The following TRAPPC2 variants were observed in gnomAD, a reference collection of about 807,000 sequenced individuals.
The protein encoded by TRAPPC2 is sedlin.
A neutral mutation model predicts 10.0 loss-of-function variants in TRAPPC2; 4 were observed. That is an observed-to-expected ratio of 0.40 (90% CI 0.20 to 0.92). The LOEUF (loss-of-function observed/expected upper bound fraction) is 0.92. Ranked by LOEUF, TRAPPC2 falls within the 40% of genes least tolerant of loss-of-function variation. The pLI, the probability that TRAPPC2 is intolerant of heterozygous loss-of-function variation, is 0.35. For synonymous variants in TRAPPC2, 36 were observed against 37.3 expected, an observed-to-expected ratio of 0.97 and a Z score of 0.12; for missense variants, 52 against 108.7, an observed-to-expected ratio of 0.48 and a Z score of 2.32.
intron 2 of TRAPPC2, among the ~76,000 whole-genome samples, chrX:13,722,922 G>A (rs1198896901): frequency 2.7e-5 from 3 of 110,155 alleles, no homozygotes; most frequent in African/African-American, 9.9e-5. Flanking sequence ...AATTAGCCGA[G>A]TGTGGTGGTG....
rs181394438 is a variant in TRAPPC2, at chrX:13,730,379, G to T, written c.-20+3665C>A. 2.7e-5 allele frequency among the ~76,000 whole-genome samples: 3 copies of T among 112,012 alleles called. No individual in the cohort carries two copies. The East Asian group carries it at 8.3e-4, about 31-fold the overall frequency. On this transcript the variant is annotated intron_variant, in intron 2 of 5. Transcript: ENST00000380579. ...AAACCACAAAGAGATACCATCTCAC[G>T]CCAGTTAGAATGGCAATCATTAAAA... is the stretch of plus-strand genomic sequence containing the variant.
intron 2 of TRAPPC2, among the ~76,000 whole-genome samples, chrX:13,723,594 G>A (rs1215782359): frequency 4.5e-5 from 5 of 111,910 alleles, no homozygotes; most frequent in Admixed American, 9.5e-5. Flanking sequence ...AATTACCTGC[G>A]TTGACATGAC....
At chrX:13,723,050 G>C (rs1416934607) in intron 2 of TRAPPC2, among the ~76,000 whole-genome samples, 25 of 102,217 alleles carry the variant, frequency 2.4e-4, no homozygotes, top group Non-Finnish European at 4.5e-4. Context: ...AGCCAAGATC[G>C]TGCCACTGCA....
At chrX:13,719,441 G>T (rs986940803) in intron 3 of TRAPPC2, among the ~76,000 whole-genome samples, 6 of 111,341 alleles carry the variant, frequency 5.4e-5, no homozygotes, top group African/African-American at 6.5e-5. Context: ...GCTGCAGAAG[G>T]CCCCTGAAGT....
intron 2 of TRAPPC2, among the ~76,000 whole-genome samples, chrX:13,724,301 C>T (rs996616567): frequency 1.9e-5 from 2 of 106,867 alleles, no homozygotes; most frequent in Admixed American, 2.0e-4. Context: ...AGAAGTAGGA[C>T]ACTAACTAGT....
At chrX:13,734,375 C>G (rs2046759934) in intron 1 of TRAPPC2, 150 bp downstream of exon 1, 3 of 297,258 alleles carry the variant, frequency 1.0e-5, no homozygotes, top group Middle Eastern at 9.5e-4. Context: ...AAGGGCTGCG[C>G]GGATGAGCCA....
chrX:13,722,406 C>T (rs1014461595), intron 2 of TRAPPC2, among the ~76,000 whole-genome samples: 1 of 110,331 alleles, frequency 9.1e-6, no homozygotes, highest in Non-Finnish European at 1.9e-5. Flanking sequence ...ATGCTGTTAC[C>T]AACTACCCAG....
At chrX:13,727,268 A>AAC (rs933643758) in intron 2 of TRAPPC2, among the ~76,000 whole-genome samples, 1 of 112,015 alleles carries the variant, frequency 8.9e-6, no homozygotes, top group African/African-American at 3.2e-5. Context: ...ACATCTACAG[A>AAC]ACTCTCCACC....
At chrX:13,722,612 G>A (rs1265136112) in intron 2 of TRAPPC2, among the ~76,000 whole-genome samples, 3 of 111,724 alleles carry the variant, frequency 2.7e-5, no homozygotes, top group Non-Finnish European at 5.6e-5. Context: ...GTCTCGGGAG[G>A]GGAACAGCTG....
chrX:13,727,116 A>G (rs1430324914), intron 2 of TRAPPC2, among the ~76,000 whole-genome samples: 1 of 112,090 alleles, frequency 8.9e-6, no homozygotes, highest in South Asian at 3.7e-4. Context: ...GCAAGTCCTT[A>G]GAGACCTACA....
chrX:13,729,960 TAAA>T (rs974272291), intron 2 of TRAPPC2, among the ~76,000 whole-genome samples: 4 of 111,154 alleles, frequency 3.6e-5, no homozygotes, highest in African/African-American at 1.3e-4. Flanking sequence ...CCTAAAACCA[TAAA>T]AACTCTAGAG....
intron 2 of TRAPPC2, among the ~76,000 whole-genome samples, chrX:13,724,028 G>A (rs980372846): frequency 8.9e-6 from 1 of 111,743 alleles, no homozygotes; most frequent in Non-Finnish European, 1.9e-5. Flanking sequence ...ACAGCAATGT[G>A]ATCTTGACAG....
intron 1 of TRAPPC2, 61 bp downstream of exon 1, chrX:13,734,464 C>T: frequency 4.5e-6 from 1 of 223,958 alleles, no homozygotes; most frequent in Non-Finnish European, 8.1e-6. Context: ...CACGCAGGGG[C>T]TACGAAGTCC....
intron 2 of TRAPPC2, among the ~76,000 whole-genome samples, chrX:13,731,190 G>T (rs1479872276): frequency 1.8e-5 from 2 of 112,231 alleles, no homozygotes; most frequent in East Asian, 5.6e-4. Context: ...TTGAGAAATT[G>T]CAAGAAAAAT....
In TRAPPC2 at chrX:13,716,516, C is replaced by T. The variant is rs922495600; in HGVS notation, c.238+18G>A. 9 of 1,208,845 alleles carry T rather than the reference C, an allele frequency of 7.4e-6. No individual in the cohort carries two copies. Among genetic ancestry groups the T allele is most frequent in the Non-Finnish European group, 1.0e-5 (9 of 894,126 alleles). On this transcript the variant is annotated intron_variant, in intron 4 of 5. Transcript: ENST00000380579. ...CCCAAACTTTAGTTAGTTACCTTTA[C>T]TAAGAAGGTAAGGATATGCCCCGCA...
intron 2 of TRAPPC2, among the ~76,000 whole-genome samples, chrX:13,733,586 A>G (rs911670920): frequency 1.2e-4 from 13 of 111,761 alleles, no homozygotes; most frequent in African/African-American, 4.2e-4. Flanking sequence ...TAAGTTTTTC[A>G]CAGCCAGAGA....
Position 13,714,232 on chromosome X carries a change from T to TA in TRAPPC2, c.*174dup, listed in dbSNP as rs926593303. 9.6e-6 allele frequency: 3 copies of TA among 311,609 alleles called. No individual in the cohort carries two copies. The highest frequency in any genetic ancestry group is 5.5e-5 in the African/African-American group (2 of 36,597). 25.7% of individuals were successfully genotyped at this position (311,609 alleles called of 1,213,427 possible). ...AAGGAAATACCAATTGATCTATTGATACGTGACATGAGACAGAATGTACTA... is the reference window on the plus strand; with the variant it reads ...AAGGAAATACCAATTGATCTATTGATAACGTGACATGAGACAGAATGTACTA... On this transcript the variant is annotated 3_prime_UTR_variant, in exon 6 of 6. Coordinates refer to ENST00000380579, the MANE Select transcript of TRAPPC2 (RefSeq NM_001011658.4).
chrX:13,715,985 A>C lies in TRAPPC2; in HGVS notation c.324+19T>G, dbSNP rs1318992972. ...AATCCTTTCTCATCAGAATTTAAAAATTATAGAACATACCATACCTTTATA... is the reference window on the plus strand; with the variant it reads ...AATCCTTTCTCATCAGAATTTAAAACTTATAGAACATACCATACCTTTATA... On this transcript the variant is annotated intron_variant, in intron 5 of 5. Coordinates refer to ENST00000380579, the MANE Select transcript of TRAPPC2 (RefSeq NM_001011658.4). 4 of 1,170,208 alleles carry C rather than the reference A, an allele frequency of 3.4e-6. No homozygotes were observed. In the South Asian group the frequency reaches 7.5e-5, roughly 22 times the overall value.
chrX:13,734,570 G>C lies in TRAPPC2; in HGVS notation c.-207C>G. On this transcript the variant is annotated 5_prime_UTR_variant, in exon 1 of 6. Transcript: ENST00000380579. ...CGGAAACGCAATGTCAGTTTCCGCGGAAGAGACCCGCGCCCCGAACCTGTA... is the reference window on the plus strand; with the variant it reads ...CGGAAACGCAATGTCAGTTTCCGCGCAAGAGACCCGCGCCCCGAACCTGTA... The C allele has an allele frequency of 1.9e-6, 1 of 518,574 alleles. No homozygotes were observed. Among genetic ancestry groups the C allele is most frequent in the Non-Finnish European group, 2.5e-6 (1 of 397,985 alleles). 42.7% of individuals were successfully genotyped at this position (518,574 alleles called of 1,213,427 possible). A position where few individuals can be genotyped will look rare whatever the true frequency, so the allele number is the denominator to read the frequency against.
Sources: allele counts gnomAD v4.1 joint callset (sites outside exome capture counted in the v4.1 genomes callset), GRCh38; gene constraint gnomAD v4.1.1; transcripts MANE v1.5; gene names NCBI Gene and HGNC (gene_info 2026-07-23, HGNC 2026-07-21).